Variants in NAALADL2 observed in about 807,000 individuals in gnomAD.
NAALADL2 encodes inactive N-acetylated-alpha-linked acidic dipeptidase-like protein 2.
NAALADL2 carries 76 observed loss-of-function variants against 87.2 expected under a neutral mutation model. The observed-to-expected ratio is 0.87, with a 90% CI of 0.72 to 1.05. The LOEUF (loss-of-function observed/expected upper bound fraction) is 1.05. NAALADL2 is among the 50% of genes least tolerant of loss of function. The pLI, the probability that NAALADL2 is intolerant of heterozygous loss-of-function variation, is 0.00. For missense variants in NAALADL2, 1,089 were observed against 945.8 expected (o/e 1.15, Z -1.99); for synonymous variants, 354 against 331.0 (o/e 1.07, Z -0.75).
At chr3:174,750,730 G>A (rs920871499) in intron 3 of NAALADL2, among the ~76,000 whole-genome samples, 3 of 151,994 alleles carry the variant, frequency 2.0e-5, no homozygotes, top group African/African-American at 7.3e-5. Flanking sequence ...CACCGCACCC[G>A]GCCTATTATT....
At chr3:175,099,964 A>G (rs186593051) in intron 2 of NAALADL2, among the ~76,000 whole-genome samples, 2 of 151,364 alleles carry the variant, frequency 1.3e-5, no homozygotes, top group East Asian at 3.9e-4. Flanking sequence ...TTAAAATTTT[A>G]TCATTTAGAT....
intron 4 of NAALADL2, among the ~76,000 whole-genome samples, chr3:175,260,229 C>A (rs6443299): frequency 0.1 from 15,210 of 152,018 alleles, 1,934 homozygotes; most frequent in African/African-American, 0.3. Flanking sequence ...ATCATTTTCC[C>A]TGATAATTTT....
intron 1 of NAALADL2, among the ~76,000 whole-genome samples, chr3:174,535,994 A>T (rs1050760039): frequency 1.3e-5 from 2 of 152,148 alleles, no homozygotes; most frequent in African/African-American, 4.8e-5. Flanking sequence ...TGCTCATATT[A>T]CAAAGACTAA....
At chr3:174,450,984 T>A (rs1204725903) in intron 1 of NAALADL2, among the ~76,000 whole-genome samples, 1 of 152,144 alleles carries the variant, frequency 6.6e-6, no homozygotes, top group African/African-American at 2.4e-5. Flanking sequence ...GAGTCAATTT[T>A]AAATGTTTTT....
chr3:175,759,020 A>C (rs1747636347), intron 13 of NAALADL2, among the ~76,000 whole-genome samples: 1 of 152,184 alleles, frequency 6.6e-6, no homozygotes, highest in South Asian at 2.1e-4. Context: ...GACACTAAAC[A>C]CTGGAATATA....
In NAALADL2 at chr3:175,116,163, A is replaced by T. The variant is rs187732464; in HGVS notation, c.545+18872A>T. Among the ~76,000 whole-genome samples the T allele has an allele frequency of 7.9e-3, 1,206 of 152,146 alleles. 13 individuals carry two copies. Among genetic ancestry groups the T allele is most frequent in the African/African-American group, 0.028 (1,154 of 41,524 alleles). ...CAAAAACTGGAAGCATTCCCTTTGA[A>T]AACTGGCACAAGACAGGGATGCCCT... is the stretch of plus-strand genomic sequence containing the variant. On this transcript the variant is annotated intron_variant, in intron 2 of 13. Coordinates refer to ENST00000454872, the MANE Select transcript of NAALADL2 (RefSeq NM_207015.3).
At chr3:175,741,520 A>C (rs939328235) in intron 12 of NAALADL2, among the ~76,000 whole-genome samples, 9 of 152,108 alleles carry the variant, frequency 5.9e-5, no homozygotes, top group African/African-American at 1.7e-4. Flanking sequence ...CACACAGTAG[A>C]TGGGTAAATT....
chr3:174,455,275 A>G (rs983095670), intron 1 of NAALADL2, among the ~76,000 whole-genome samples: 1 of 152,194 alleles, frequency 6.6e-6, no homozygotes, highest in Non-Finnish European at 1.5e-5. Context: ...GAACAGACAG[A>G]TTCACAGCTG....
chr3:175,276,563 A>G (rs1753626291), intron 4 of NAALADL2, among the ~76,000 whole-genome samples: 1 of 152,072 alleles, frequency 6.6e-6, no homozygotes. Context: ...TCGGCCTCCC[A>G]AAGTGCTGGG....
At chr3:175,382,806 C>T (rs1315799799) in intron 5 of NAALADL2, among the ~76,000 whole-genome samples, 3 of 151,586 alleles carry the variant, frequency 2.0e-5, no homozygotes. Context: ...TACGTATTCT[C>T]CTTACCTGGG....
intron 1 of NAALADL2, among the ~76,000 whole-genome samples, chr3:175,004,015 C>T (rs1312108466): frequency 6.6e-6 from 1 of 152,108 alleles, no homozygotes; most frequent in Non-Finnish European, 1.5e-5. Context: ...GTTCCAGGAC[C>T]CTCACCTGCT....
At chr3:175,518,960 A>T (rs1199261609) in intron 9 of NAALADL2, among the ~76,000 whole-genome samples, 1 of 152,250 alleles carries the variant, frequency 6.6e-6, no homozygotes, top group Non-Finnish European at 1.5e-5. Flanking sequence ...ATTCATGTTT[A>T]TGCTTAGGTT....
chr3:174,602,228 A>C (rs1718524922), intron 2 of NAALADL2, among the ~76,000 whole-genome samples: 1 of 152,150 alleles, frequency 6.6e-6, no homozygotes, highest in African/African-American at 2.4e-5. Flanking sequence ...GCACATTTTA[A>C]CAATATTGAT....
At chr3:174,906,504 G>T (rs1171809083) in intron 1 of NAALADL2, among the ~76,000 whole-genome samples, 1 of 152,102 alleles carries the variant, frequency 6.6e-6, no homozygotes, top group African/African-American at 2.4e-5. Context: ...ATGTTGTAAA[G>T]TACCCTCTGG....
intron 1 of NAALADL2, among the ~76,000 whole-genome samples, chr3:175,005,760 AAATT>A (rs1277973383): frequency 2.0e-5 from 3 of 152,180 alleles, no homozygotes; most frequent in Non-Finnish European, 4.4e-5. Flanking sequence ...AGTTATAAAT[AAATT>A]AATCGGGGTG....
chr3:175,481,203 G>T (rs1726408424), intron 9 of NAALADL2, among the ~76,000 whole-genome samples: 1 of 151,810 alleles, frequency 6.6e-6, no homozygotes. Flanking sequence ...GGTTTGAATT[G>T]TTTTTGAAAA....
At chr3:174,853,104 G>A (rs1019837888) in intron 3 of NAALADL2, among the ~76,000 whole-genome samples, 5 of 147,618 alleles carry the variant, frequency 3.4e-5, no homozygotes, top group Admixed American at 1.4e-4. Flanking sequence ...AGTGGCTCAA[G>A]CCTGTAATCC....
At chr3:175,759,679 G>GA (rs1254404903) in intron 13 of NAALADL2, among the ~76,000 whole-genome samples, 2 of 152,190 alleles carry the variant, frequency 1.3e-5, no homozygotes, top group Non-Finnish European at 2.9e-5. Context: ...TAGGGAAAGT[G>GA]AAAGATGTAT....
chr3:174,855,868 GTATA>G (rs1725795621), upstream of NAALADL2, among the ~76,000 whole-genome samples: 2 of 132,582 alleles, frequency 1.5e-5, no homozygotes, highest in Admixed American at 1.5e-4. Flanking sequence ...GTGTATATAT[GTATA>G]TATACATACA....
Sources: allele counts gnomAD v4.1 joint callset (sites outside exome capture counted in the v4.1 genomes callset), GRCh38; gene constraint gnomAD v4.1.1; transcripts MANE v1.5; gene names NCBI Gene and HGNC (gene_info 2026-07-23, HGNC 2026-07-21).